RPGRIP1: variants seen among roughly 807,000 people sequenced by gnomAD.
RPGRIP1 encodes RPGR interacting protein 1, also known as X-linked retinitis pigmentosa GTPase regulator-interacting protein 1.
A neutral mutation model predicts 157.9 loss-of-function variants in RPGRIP1; 128 were observed. The observed-to-expected ratio is 0.81, with a 90% confidence interval of 0.70 to 0.94. RPGRIP1 has a LOEUF of 0.94. RPGRIP1 is among the 40% of genes least tolerant of loss of function. RPGRIP1 has a pLI of 0.00. For synonymous variants in RPGRIP1, 554 were observed against 571.6 expected (o/e 0.97, Z 0.44); for missense variants, 1,486 against 1,545.8 (o/e 0.96, Z 0.65).
chr14:21,313,072 G>A (rs778229661), intron 10 of RPGRIP1, among the ~76,000 whole-genome samples: 1 of 152,000 alleles, frequency 6.6e-6, no homozygotes, highest in Non-Finnish European at 1.5e-5. Context: ...CTGGGCTCAA[G>A]TCATCTGCCT....
At chr14:21,314,670 G>A (rs923672542) in intron 10 of RPGRIP1, among the ~76,000 whole-genome samples, 1 of 148,680 alleles carries the variant, frequency 6.7e-6, no homozygotes, top group Non-Finnish European at 1.5e-5. Context: ...CTGAGATCAG[G>A]CCATTACACT....
chr14:21,288,070 T>C lies in RPGRIP1; in HGVS notation c.85+9T>C. On this transcript the variant is annotated intron_variant, in intron 2 of 24. Coordinates refer to ENST00000400017, the MANE Select transcript of RPGRIP1 (RefSeq NM_020366.4). ...GCTACCAGCCTCAAAAGGTAACTTC[T>C]ACGCCTGAGGATGGACACCTTTTAG... 6.3e-7 allele frequency: 1 copy of C among 1,582,530 alleles called. No homozygotes were observed. The highest frequency in any genetic ancestry group is 8.7e-7 in the Non-Finnish European group (1 of 1,151,156).
chr14:21,305,102 G>A (rs535261302), intron 6 of RPGRIP1, among the ~76,000 whole-genome samples: 16 of 152,112 alleles, frequency 1.1e-4, no homozygotes, highest in East Asian at 3.9e-4. Flanking sequence ...GCGCCTGGCC[G>A]GTGTTGTACA....
chr14:21,294,587 T>G, intron 2 of RPGRIP1, 90 bp from the exon 3 acceptor site: 1 of 1,285,684 alleles, frequency 7.8e-7, no homozygotes. Flanking sequence ...GATAGATTTA[T>G]GCTCTCTGGA....
chr14:21,324,647 C>G lies in RPGRIP1; in HGVS notation c.1792C>G (p.Arg598Gly). 1 of 1,613,850 alleles carries G rather than the reference C, an allele frequency of 6.2e-7. No homozygotes were observed. The highest frequency in any genetic ancestry group is 1.3e-5 in the African/African-American group (1 of 75,042). Residue 598 changes from arginine to glycine, a missense_variant, in exon 15 of 25, where the codon CGA becomes GGA. Coordinates refer to ENST00000400017, the MANE Select transcript of RPGRIP1 (RefSeq NM_020366.4). ...EQLKDVAYGT[R>G]PLSLCLETLP... ...GCTCAAAGATGTTGCTTATGGCACC[C>G]GACCGTTGTCGTTATGTTTGGAAAC...
intron 24 of RPGRIP1, among the ~76,000 whole-genome samples, chr14:21,350,390 A>ACC (rs1566375319): frequency 8.8e-5 from 8 of 91,042 alleles, no homozygotes; most frequent in Non-Finnish European, 1.4e-4. Flanking sequence ...AAAAAAAAAA[A>ACC]AAAAAAGAAA....
intron 2 of RPGRIP1, among the ~76,000 whole-genome samples, chr14:21,293,784 C>T (rs1027990024): frequency 2.4e-4 from 36 of 152,060 alleles, no homozygotes; most frequent in Admixed American, 7.9e-4. Context: ...GAGGCTGAGG[C>T]AGGAGAATGG....
rs557304034 is a variant in RPGRIP1, at chr14:21,288,007, G to T, written c.31G>T (p.Asp11Tyr). 1.9e-6 allele frequency: 3 copies of T among 1,613,686 alleles called. No homozygotes were observed. The highest frequency in any genetic ancestry group is 1.7e-6 in the Non-Finnish European group (2 of 1,179,660). Residue 11 changes from aspartate to tyrosine, a missense_variant, in exon 2 of 25, where the codon GAC (aspartate) becomes TAC (tyrosine). Coordinates refer to ENST00000400017, the MANE Select transcript of RPGRIP1 (RefSeq NM_020366.4). MSHLVDPTSG[D>Y]LPVRDIDAIP... Reference sequence around the variant, plus strand: ...ACATCTGGTGGACCCTACATCAGGAGACTTGCCAGTTAGAGACATAGATGC... The same window carrying T: ...ACATCTGGTGGACCCTACATCAGGATACTTGCCAGTTAGAGACATAGATGC...
chr14:21,332,731 A>G (rs565971646), intron 20 of RPGRIP1, among the ~76,000 whole-genome samples: 1 of 152,190 alleles, frequency 6.6e-6, no homozygotes, highest in Admixed American at 6.5e-5. Context: ...ATTTATAGTC[A>G]TAAATAATAA....
At chr14:21,342,697 A>G (rs2139334875) in intron 21 of RPGRIP1, among the ~76,000 whole-genome samples, 1 of 151,954 alleles carries the variant, frequency 6.6e-6, no homozygotes, top group South Asian at 2.1e-4. Context: ...ACCTCCCATC[A>G]TCCACCCTCC....
At chr14:21,304,391 G>GAA (rs1555365551) in intron 6 of RPGRIP1, among the ~76,000 whole-genome samples, 4,177 of 29,094 alleles carry the variant, frequency 0.14, 80 homozygotes, top group Middle Eastern at 0.31. Context: ...AGGAGAGAGA[G>GAA]AAAGAAAGAA....
chr14:21,346,422 C>T (rs1285306405), intron 23 of RPGRIP1, among the ~76,000 whole-genome samples: 2 of 152,034 alleles, frequency 1.3e-5, no homozygotes, highest in Non-Finnish European at 2.9e-5. Context: ...CATGGTGGCA[C>T]ATGCTGGTAA....
At chr14:21,315,050 G>T (rs1208180834) in intron 10 of RPGRIP1, among the ~76,000 whole-genome samples, 3 of 151,762 alleles carry the variant, frequency 2.0e-5, no homozygotes. Flanking sequence ...TGGGCATGGT[G>T]GCGTGCATCT....
intron 22 of RPGRIP1, 134 bp downstream of exon 22, chr14:21,343,362 TGCA>T (rs1885215200): frequency 1.4e-6 from 1 of 700,166 alleles, no homozygotes; most frequent in Non-Finnish European, 2.3e-6. Context: ...AAGTGTTGTG[TGCA>T]TGTGGTTTAA....
intron 22 of RPGRIP1, 103 bp downstream of exon 22, chr14:21,343,331 A>G: frequency 1.2e-6 from 1 of 861,128 alleles, no homozygotes; most frequent in Non-Finnish European, 1.8e-6. Flanking sequence ...CAGCCATTTC[A>G]CTTTATTATT....
intron 21 of RPGRIP1, among the ~76,000 whole-genome samples, chr14:21,342,579 G>T (rs1287209155): frequency 2.6e-5 from 4 of 151,478 alleles, no homozygotes; most frequent in African/African-American, 9.7e-5. Context: ...TAGCTGTTTA[G>T]AAATTTATTT....
At chr14:21,290,989 A>G (rs1313881434) in intron 2 of RPGRIP1, among the ~76,000 whole-genome samples, 2 of 146,786 alleles carry the variant, frequency 1.4e-5, no homozygotes, top group Non-Finnish European at 3.0e-5. Context: ...TGACAGAGCG[A>G]GACTCCATCT....
chr14:21,283,241 A>G (rs1285156841), intron 1 of RPGRIP1, among the ~76,000 whole-genome samples: 1 of 152,160 alleles, frequency 6.6e-6, no homozygotes, highest in African/African-American at 2.4e-5. Flanking sequence ...ACTTTTCTAC[A>G]GTAGGAAACT....
In RPGRIP1 at chr14:21,306,051, A is replaced by G. The variant is rs1017447450; in HGVS notation, c.801-1680A>G. On this transcript the variant is annotated intron_variant, in intron 6 of 24. Coordinates refer to ENST00000400017, the MANE Select transcript of RPGRIP1 (RefSeq NM_020366.4). ...GGAGTGAACCCAAATCCTCCCCAGT[A>G]TCTCTTTCAATCTTTCAAACAATAA... Among the ~76,000 whole-genome samples the G allele has an allele frequency of 3.5e-5, 5 of 142,942 alleles. No homozygotes were observed. The Admixed American group carries it at 3.7e-4, about 11-fold the overall frequency. 93.8% of individuals were successfully genotyped at this position (142,942 alleles called of 152,430 possible).
Sources: allele counts gnomAD v4.1 joint callset (sites outside exome capture counted in the v4.1 genomes callset), GRCh38; gene constraint gnomAD v4.1.1; transcripts MANE v1.5; gene names NCBI Gene and HGNC (gene_info 2026-07-23, HGNC 2026-07-21).